The following SEMA3A variants were observed in gnomAD, a reference collection of about 807,000 sequenced individuals.
SEMA3A encodes semaphorin 3A.
SEMA3A carries 29 observed loss-of-function variants against 97.9 expected under a neutral mutation model. The ratio of observed to expected loss-of-function variants is 0.30; its 90% CI spans 0.22 to 0.40. SEMA3A has a LOEUF of 0.40. Among genes scored for constraint, SEMA3A ranks in the 10% least tolerant of loss-of-function variants. The pLI, the probability that SEMA3A is intolerant of heterozygous loss-of-function variation, is 1.00. For missense variants in SEMA3A, 763 were observed against 951.3 expected (o/e 0.80, Z 2.60); for synonymous variants, 321 against 323.7 (o/e 0.99, Z 0.09).
At chr7:84,376,082 TA>T (rs1210774203) in intron 1 of SEMA3A, among the ~76,000 whole-genome samples, 2 of 152,216 alleles carry the variant, frequency 1.3e-5, no homozygotes, top group African/African-American at 2.4e-5. Flanking sequence ...ACCAGTTTTT[TA>T]TTCACTCATC....
chr7:84,215,950 C>G (rs1397459835), intron 3 of SEMA3A, among the ~76,000 whole-genome samples: 1 of 152,094 alleles, frequency 6.6e-6, no homozygotes, highest in Non-Finnish European at 1.5e-5. Flanking sequence ...CACATAATTA[C>G]CTCAAAATGA....
chr7:84,153,000 A>G (rs1302366013), intron 1 of SEMA3A, among the ~76,000 whole-genome samples: 1 of 152,124 alleles, frequency 6.6e-6, no homozygotes, highest in Non-Finnish European at 1.5e-5. Flanking sequence ...TTCCACTTAA[A>G]AATACTTCTA....
At chr7:84,462,215 A>T (rs1805864289) in intron 1 of SEMA3A, among the ~76,000 whole-genome samples, 1 of 152,146 alleles carries the variant, frequency 6.6e-6, no homozygotes, top group Non-Finnish European at 1.5e-5. Flanking sequence ...ATACCTTATT[A>T]CTGAAGCATT....
intron 1 of SEMA3A, among the ~76,000 whole-genome samples, chr7:84,390,982 A>G (rs1803554874): frequency 6.6e-6 from 1 of 152,140 alleles, no homozygotes; most frequent in Non-Finnish European, 1.5e-5. Context: ...GGTTTTGTTA[A>G]CACAGGCCCT....
At chr7:84,069,860 A>G (rs1467897473) in intron 4 of SEMA3A, among the ~76,000 whole-genome samples, 2 of 152,154 alleles carry the variant, frequency 1.3e-5, no homozygotes, top group Non-Finnish European at 2.9e-5. Context: ...CAAGACCTTA[A>G]TTTAGATGTG....
At chr7:84,162,565 T>C (rs1360464223) in intron 1 of SEMA3A, among the ~76,000 whole-genome samples, 1 of 152,100 alleles carries the variant, frequency 6.6e-6, no homozygotes, top group Non-Finnish European at 1.5e-5. Flanking sequence ...TTAATTTGTC[T>C]TTTGGCTCAT....
chr7:84,200,986 C>T lies in SEMA3A; in HGVS notation c.-82-6318G>A, dbSNP rs181820426. ...GCTATCGGGTGTTTCAGGATATTAA[C>T]TTATTAGCTGTTTGCTTTCAGTAAA... On this transcript the variant is annotated intron_variant, in intron 3 of 3. Coordinates refer to the SEMA3A transcript ENST00000424555. 2.1e-3 allele frequency among the ~76,000 whole-genome samples: 316 copies of T among 151,946 alleles called. 1 individual carries two copies. Among genetic ancestry groups the T allele is most frequent in the African/African-American group, 7.2e-3 (299 of 41,486 alleles).
At chr7:84,465,556 A>G (rs950534290) in intron 1 of SEMA3A, among the ~76,000 whole-genome samples, 1 of 152,152 alleles carries the variant, frequency 6.6e-6, no homozygotes, top group African/African-American at 2.4e-5. Flanking sequence ...CTTGCTTTCT[A>G]AATGTGGATG....
intron 1 of SEMA3A, among the ~76,000 whole-genome samples, chr7:84,425,363 T>C (rs1245953798): frequency 7.7e-6 from 1 of 130,688 alleles, no homozygotes; most frequent in African/African-American, 2.8e-5. Context: ...ATACATATAC[T>C]ATATTAATAT....
chr7:84,124,963 G>T (rs544293286), intron 3 of SEMA3A, among the ~76,000 whole-genome samples: 6 of 151,636 alleles, frequency 4.0e-5, no homozygotes, highest in Non-Finnish European at 8.8e-5. Flanking sequence ...AATATTAAAG[G>T]ATCTATAAGG....
At chr7:84,439,715 A>C in intron 1 of SEMA3A, among the ~76,000 whole-genome samples, 1 of 152,226 alleles carries the variant, frequency 6.6e-6, no homozygotes. Context: ...TTAAATCTGT[A>C]AACACAAAAG....
chr7:84,301,060 G>A (rs1801005099), intron 3 of SEMA3A, among the ~76,000 whole-genome samples: 1 of 151,976 alleles, frequency 6.6e-6, no homozygotes, highest in Admixed American at 6.6e-5. Context: ...TAAAAATTCA[G>A]GAGATGTTTT....
At chr7:84,212,118 G>T (rs1229757731) in intron 3 of SEMA3A, among the ~76,000 whole-genome samples, 1 of 152,160 alleles carries the variant, frequency 6.6e-6, no homozygotes, top group African/African-American at 2.4e-5. Flanking sequence ...GAAGAACAGA[G>T]GTGGTAGCAG....
intron 3 of SEMA3A, among the ~76,000 whole-genome samples, chr7:84,286,046 C>A (rs1187078388): frequency 6.6e-6 from 1 of 151,440 alleles, no homozygotes; most frequent in East Asian, 1.9e-4. Flanking sequence ...AAACATAGCC[C>A]TCAAATTCAA....
intron 1 of SEMA3A, among the ~76,000 whole-genome samples, chr7:84,406,967 A>C (rs1804110334): frequency 6.6e-6 from 1 of 152,336 alleles, no homozygotes; most frequent in South Asian, 2.1e-4. Context: ...AAAAACTGGA[A>C]GCATTCCCTT....
At chr7:84,261,541 C>A (rs1380889845) in intron 3 of SEMA3A, among the ~76,000 whole-genome samples, 1 of 152,202 alleles carries the variant, frequency 6.6e-6, no homozygotes, top group African/African-American at 2.4e-5. Flanking sequence ...TTCCCCTCAT[C>A]CAGACATGGG....
intron 6 of SEMA3A, among the ~76,000 whole-genome samples, chr7:84,037,538 T>C (rs1290290602): frequency 6.6e-6 from 1 of 152,116 alleles, no homozygotes; most frequent in East Asian, 1.9e-4. Flanking sequence ...TTTAAAATAA[T>C]TCAGAGAAAT....
At chr7:84,309,658 G>C (rs969530115) in intron 2 of SEMA3A, among the ~76,000 whole-genome samples, 1 of 152,156 alleles carries the variant, frequency 6.6e-6, no homozygotes, top group African/African-American at 2.4e-5. Flanking sequence ...GACATACACA[G>C]TGTTATGAAA....
At position 84,305,464 on chromosome 7, in the gene SEMA3A, G is replaced by A. The variant is rs534752070; in HGVS notation, c.-83+1743C>T. On this transcript the variant is annotated intron_variant, in intron 3 of 3. Transcript: ENST00000424555. ...TAGTCATATTTGCTAAATATTTTGA[G>A]TTTTCATTGGTTGACTTCTATCCAC... 3.3e-5 allele frequency among the ~76,000 whole-genome samples: 5 copies of A among 152,066 alleles called. 1 individual carries two copies. The highest frequency in any genetic ancestry group is 1.2e-4 in the African/African-American group (5 of 41,544).
Sources: gnomAD v4.1 joint callset for allele counts (sites outside exome capture counted in the v4.1 genomes callset) on GRCh38, gnomAD v4.1.1 for gene constraint, MANE v1.5 for transcripts, NCBI Gene and HGNC (gene_info 2026-07-23, HGNC 2026-07-21) for gene names.